Variants in PARN observed in about 807,000 individuals in gnomAD.
PARN encodes the protein poly(A)-specific ribonuclease PARN.
In PARN, 71 loss-of-function variants were observed where a neutral mutation model predicts 102.8. That is an observed-to-expected ratio of 0.69 (90% CI 0.57 to 0.84). The LOEUF (loss-of-function observed/expected upper bound fraction) is 0.84, where lower values mean the gene tolerates loss of function less well. Ranked by LOEUF, PARN falls within the 40% of genes least tolerant of loss-of-function variation. The pLI is 0.00. For synonymous variants in PARN, 261 were observed against 252.9 expected, an observed-to-expected ratio of 1.03 and a Z score of -0.30; for missense variants, 782 against 760.9, an observed-to-expected ratio of 1.03 and a Z score of -0.33.
At chr16:14,548,591 T>C (rs1967105126) in intron 21 of PARN, among the ~76,000 whole-genome samples, 1 of 152,022 alleles carries the variant, frequency 6.6e-6, no homozygotes, top group African/African-American at 2.4e-5. Flanking sequence ...GTGAAAACAA[T>C]ATAATAAGGT....
rs187913999 is a variant in PARN, at chr16:14,625,720, G to A, written c.327+1386C>T. Among the ~76,000 whole-genome samples, 3 of 152,270 alleles carry A rather than the reference G, an allele frequency of 2.0e-5. No individual in the cohort carries two copies. The East Asian group carries it at 5.8e-4, about 29-fold the overall frequency. ...GATTTCATTTGTTTATATACTGCCA[G>A]TTTTGAGAAAGAATTTGACATAACT... On this transcript the variant is annotated intron_variant, in intron 5 of 23. Coordinates refer to ENST00000437198, the MANE Select transcript of PARN (RefSeq NM_002582.4).
chr16:14,593,447 G>C (rs949187402), intron 12 of PARN, 69 bp from the exon 13 acceptor site: 3 of 409,342 alleles, frequency 7.3e-6, no homozygotes, highest in African/African-American at 2.7e-5. Flanking sequence ...AGAATGTATA[G>C]TTCAGATTCC....
intron 6 of PARN, among the ~76,000 whole-genome samples, chr16:14,611,277 C>T (rs1194549751): frequency 6.6e-6 from 1 of 152,158 alleles, no homozygotes; most frequent in Non-Finnish European, 1.5e-5. Context: ...GGCCAGATGT[C>T]ATGAGCAAAA....
intron 2 of PARN, among the ~76,000 whole-genome samples, chr16:14,628,829 TCAAA>T (rs1281041821): frequency 1.3e-5 from 2 of 152,142 alleles, no homozygotes; most frequent in African/African-American, 4.8e-5. Flanking sequence ...GATATCCATA[TCAAA>T]GGGAGTGAAC....
At position 14,538,711 on chromosome 16, in the gene PARN, A is replaced by G. The variant is rs540048838; in HGVS notation, c.1480+13310T>C. Among the ~76,000 whole-genome samples, 10 of 152,282 alleles carry G rather than the reference A, an allele frequency of 6.6e-5. No individual in the cohort carries two copies. In the South Asian group the frequency reaches 1.0e-3, roughly 16 times the overall value. ...ATAGGCCCTAAAACCGAAGTCGCCAATCTGTACTGATCTATGTTCCCTGGC... is the reference window on the plus strand; with the variant it reads ...ATAGGCCCTAAAACCGAAGTCGCCAGTCTGTACTGATCTATGTTCCCTGGC... On this transcript the variant is annotated intron_variant, in intron 21 of 23. Transcript: ENST00000437198.
intron 18 of PARN, among the ~76,000 whole-genome samples, chr16:14,575,533 T>A (rs1012613858): frequency 6.6e-6 from 1 of 152,198 alleles, no homozygotes; most frequent in Non-Finnish European, 1.5e-5. Flanking sequence ...TAAGAGCCTG[T>A]AGCCAATTAC....
chr16:14,436,883 C>T (rs1167951579), intron 23 of PARN, 111 bp from the exon 24 acceptor site: 1 of 776,858 alleles, frequency 1.3e-6, no homozygotes. Flanking sequence ...GCAGACGGGG[C>T]CAGCGTCTGG....
At chr16:14,569,721 A>C (rs2151731940) in intron 18 of PARN, among the ~76,000 whole-genome samples, 2 of 152,338 alleles carry the variant, frequency 1.3e-5, no homozygotes, top group African/African-American at 4.8e-5. Flanking sequence ...AGAACAGTTC[A>C]CAAAAGGATA....
At chr16:14,613,753 A>C (rs1971679869) in intron 6 of PARN, among the ~76,000 whole-genome samples, 1 of 152,190 alleles carries the variant, frequency 6.6e-6, no homozygotes, top group Admixed American at 6.5e-5. Context: ...ACTAACTGGC[A>C]AAAAAAGTGG....
At chr16:14,601,487 C>T (rs1038613182) in intron 11 of PARN, among the ~76,000 whole-genome samples, 2 of 152,084 alleles carry the variant, frequency 1.3e-5, no homozygotes, top group South Asian at 2.1e-4. Flanking sequence ...AGTACAGTTT[C>T]GGTTTTGCAA....
intron 23 of PARN, among the ~76,000 whole-genome samples, chr16:14,437,522 T>TA (rs1960754968): frequency 6.6e-6 from 1 of 152,238 alleles, no homozygotes; most frequent in Admixed American, 6.5e-5. Context: ...CCTTCTTTTT[T>TA]ATTCATGCCA....
intron 16 of PARN, among the ~76,000 whole-genome samples, chr16:14,583,611 T>C (rs1376391217): frequency 4.6e-5 from 7 of 152,204 alleles, no homozygotes; most frequent in South Asian, 2.1e-4. Flanking sequence ...TCTTGGACTA[T>C]TACCCAGAAA....
chr16:14,537,227 A>G (rs1440273252), intron 21 of PARN, among the ~76,000 whole-genome samples: 2 of 152,224 alleles, frequency 1.3e-5, no homozygotes, highest in Non-Finnish European at 2.9e-5. Context: ...GTGAATCAAA[A>G]CAACAGTAAG....
chr16:14,579,416 T>G lies in PARN; in HGVS notation c.1262+1458A>C, dbSNP rs550478738. Among the ~76,000 whole-genome samples, 3 of 152,294 alleles carry G rather than the reference T, an allele frequency of 2.0e-5. No homozygotes were observed. In the South Asian group the frequency reaches 6.2e-4, roughly 32 times the overall value. ...GCTGACTTTAGTGGAGAAGCAGGAT[T>G]ACTGTTTTAATATTTACAGCGTGTA... On this transcript the variant is annotated intron_variant, in intron 18 of 23. Transcript: ENST00000437198.
At chr16:14,457,428 T>C (rs1961727096) in intron 22 of PARN, among the ~76,000 whole-genome samples, 1 of 152,146 alleles carries the variant, frequency 6.6e-6, no homozygotes, top group African/African-American at 2.4e-5. Context: ...GGGAGGATGT[T>C]GGACAACCTA....
At chr16:14,505,807 G>A (rs1034094830) in intron 21 of PARN, among the ~76,000 whole-genome samples, 2 of 152,104 alleles carry the variant, frequency 1.3e-5, no homozygotes, top group Non-Finnish European at 2.9e-5. Flanking sequence ...GGCAACATGT[G>A]AACTAAAATT....
intron 5 of PARN, among the ~76,000 whole-genome samples, chr16:14,618,436 C>T (rs1213520033): frequency 3.3e-5 from 5 of 150,478 alleles, no homozygotes; most frequent in African/African-American, 9.8e-5. Context: ...TGCAGTGAGC[C>T]GAGATCATGC....
At chr16:14,448,954 T>C (rs1477799536) in intron 22 of PARN, among the ~76,000 whole-genome samples, 15 of 152,198 alleles carry the variant, frequency 9.9e-5, no homozygotes, top group Admixed American at 9.8e-4. Context: ...AAGTTTCCTG[T>C]TTAAAAACTG....
intron 5 of PARN, among the ~76,000 whole-genome samples, chr16:14,624,983 A>T (rs1357327142): frequency 1.3e-5 from 2 of 151,874 alleles, no homozygotes; most frequent in African/African-American, 4.8e-5. Flanking sequence ...CCGGGGCTTT[A>T]GCCTGGGCAA....
Sources: gnomAD v4.1 joint callset for allele counts (sites outside exome capture counted in the v4.1 genomes callset) on GRCh38, gnomAD v4.1.1 for gene constraint, MANE v1.5 for transcripts, NCBI Gene and HGNC (gene_info 2026-07-23, HGNC 2026-07-21) for gene names.